Variants in COX5A observed in about 807,000 individuals in gnomAD.
The protein encoded by COX5A is cytochrome c oxidase subunit 5A.
Under a neutral mutation model 16.1 loss-of-function variants are expected in COX5A, and 6 were observed. The ratio of observed to expected loss-of-function variants is 0.37; its 90% CI spans 0.20 to 0.73. COX5A has a LOEUF of 0.73. COX5A is among the 30% of genes least tolerant of loss of function. COX5A has a pLI of 0.50. For synonymous variants in COX5A, 73 were observed against 73.8 expected, an observed-to-expected ratio of 0.99 and a Z score of 0.06; for missense variants, 159 against 194.9, an observed-to-expected ratio of 0.82 and a Z score of 1.10.
chr15:74,935,652 CATG>C (rs1182477850), intron 1 of COX5A, among the ~76,000 whole-genome samples: 1 of 151,090 alleles, frequency 6.6e-6, no homozygotes, highest in African/African-American at 2.4e-5. Flanking sequence ...TTTGAGATGG[CATG>C]ATTTCGGCTC....
At chr15:74,930,459 C>G (rs199929044) in intron 1 of COX5A, among the ~76,000 whole-genome samples, 1 of 102,828 alleles carries the variant, frequency 9.7e-6, no homozygotes, top group Non-Finnish European at 2.0e-5. Context: ...ACAAAAAAAA[C>G]CAAAAAAGCA....
chr15:74,923,936 T>G (rs1379891947), intron 3 of COX5A, among the ~76,000 whole-genome samples, 166 bp from the exon 4 acceptor site: 1 of 152,118 alleles, frequency 6.6e-6, no homozygotes, highest in Non-Finnish European at 1.5e-5. Context: ...TCCCAGCACT[T>G]TGGGAGGCTG....
intron 2 of COX5A, among the ~76,000 whole-genome samples, chr15:74,928,552 T>C (rs1259093252): frequency 6.6e-6 from 1 of 152,052 alleles, no homozygotes; most frequent in African/African-American, 2.4e-5. Context: ...GTCCGGCTAA[T>C]TTTTTTGTAT....
At chr15:74,922,834 T>G (rs2065327517) in intron 4 of COX5A, among the ~76,000 whole-genome samples, 2 of 151,870 alleles carry the variant, frequency 1.3e-5, no homozygotes, top group African/African-American at 4.8e-5. Context: ...CCCAGCTAAT[T>G]TTTGTATTTT....
chr15:74,920,211 C>A lies in COX5A; in HGVS notation c.*241G>T. ...TCAGCATGTAAGAGGGCAGCAAAAC[C>A]ATGAAACCAATACAGCACTTAATTT... On this transcript the variant is annotated 3_prime_UTR_variant, in exon 5 of 5. Coordinates refer to ENST00000322347, the MANE Select transcript of COX5A (RefSeq NM_004255.4). 1 of 549,462 alleles carries A rather than the reference C, an allele frequency of 1.8e-6. No individual in the cohort carries two copies. The highest frequency in any genetic ancestry group is 3.1e-6 in the Non-Finnish European group (1 of 319,478). 34.0% of individuals were successfully genotyped at this position (549,462 alleles called of 1,614,324 possible).
At chr15:74,936,622 C>CTTTTTTTTTTTTTTTTTTTTTTTTTTTTT (rs1021836626) in intron 1 of COX5A, among the ~76,000 whole-genome samples, 1 of 112,426 alleles carries the variant, frequency 8.9e-6, no homozygotes, top group African/African-American at 3.6e-5. Flanking sequence ...AAAACATATT[C>CTTTTTTTTTTTTTTTTTTTTTTTTTTTTT]TTTTTTTTTT....
chr15:74,929,319 A>G (rs1309779872), intron 1 of COX5A, 87 bp from the exon 2 acceptor site: 10 of 888,402 alleles, frequency 1.1e-5, no homozygotes, highest in East Asian at 4.9e-5. Context: ...AGTTGACTAT[A>G]TATGTTGTGG....
At position 74,920,539 on chromosome 15, in the gene COX5A, T is replaced by A. The variant is rs139441705; in HGVS notation, c.*10-97A>T. ...TTAGTGCTACAACCAGGGAAATCAC[T>A]GTCTCTCTGTACCCTTTACTGCTCT... On this transcript the variant is annotated intron_variant, in intron 4 of 4. Transcript: ENST00000322347. The A allele has an allele frequency of 5.0e-3, 3,251 of 655,090 alleles. 9 individuals carry two copies. Among genetic ancestry groups the A allele is most frequent in the Non-Finnish European group, 7.2e-3 (2,692 of 371,998 alleles). The allele number at this position is 655,090 out of a possible 1,614,324, so 40.6% of individuals were successfully genotyped here.
intron 1 of COX5A, among the ~76,000 whole-genome samples, chr15:74,932,028 T>G (rs2065369785): frequency 6.6e-6 from 1 of 152,214 alleles, no homozygotes. Flanking sequence ...TCGCTCTCTC[T>G]GTTTGACCCT....
intron 1 of COX5A, among the ~76,000 whole-genome samples, chr15:74,936,723 T>A (rs1712231706): frequency 6.8e-6 from 1 of 146,478 alleles, no homozygotes; most frequent in Non-Finnish European, 1.5e-5. Context: ...GCCTCTCAGG[T>A]TCAAGCGATT....
intron 1 of COX5A, chr15:74,937,690 G>T: frequency 2.8e-6 from 1 of 351,710 alleles, no homozygotes; most frequent in Non-Finnish European, 5.1e-6. Flanking sequence ...CATCTGACCT[G>T]TCCGCGGTGG....
At chr15:74,925,099 G>C (rs1392736928) in intron 3 of COX5A, among the ~76,000 whole-genome samples, 1 of 152,096 alleles carries the variant, frequency 6.6e-6, no homozygotes, top group Admixed American at 6.6e-5. Flanking sequence ...GAGGCGGGCG[G>C]ATCAACTGAG....
intron 4 of COX5A, 95 bp from the exon 5 acceptor site, chr15:74,920,537 A>C: frequency 1.5e-6 from 1 of 655,280 alleles, no homozygotes; most frequent in Admixed American, 2.7e-5. Context: ...CAGGGAAATC[A>C]CTGTCTCTCT....
At chr15:74,920,490 G>A in intron 4 of COX5A, 48 bp from the exon 5 acceptor site, 2 of 675,250 alleles carry the variant, frequency 3.0e-6, no homozygotes, top group South Asian at 1.6e-5. Flanking sequence ...TAAAGAAAAA[G>A]TAGAAATCTT....
At chr15:74,926,938 A>G in intron 2 of COX5A, 51 bp from the exon 3 acceptor site, 1 of 1,577,656 alleles carries the variant, frequency 6.3e-7, no homozygotes. Context: ...CCTCACTTAA[A>G]CTATGAGTTA....
intron 1 of COX5A, 194 bp downstream of exon 1, chr15:74,937,721 G>T: frequency 2.6e-6 from 1 of 379,416 alleles, no homozygotes; most frequent in Non-Finnish European, 4.7e-6. Flanking sequence ...AAGTTGCGCG[G>T]GGGGAGGCCC....
intron 1 of COX5A, among the ~76,000 whole-genome samples, chr15:74,935,095 A>G (rs2065383136): frequency 6.6e-6 from 1 of 152,162 alleles, no homozygotes; most frequent in Non-Finnish European, 1.5e-5. Flanking sequence ...CCAAAGAATG[A>G]ACACTTTGGT....
At chr15:74,921,422 A>G (rs1381543667) in intron 4 of COX5A, among the ~76,000 whole-genome samples, 2 of 150,006 alleles carry the variant, frequency 1.3e-5, no homozygotes, top group African/African-American at 4.9e-5. Flanking sequence ...AAAAAAAAAA[A>G]AAAAGAAAAA....
chr15:74,920,337 C>T lies in COX5A; in HGVS notation c.*115G>A, dbSNP rs1293561275. On this transcript the variant is annotated 3_prime_UTR_variant, in exon 5 of 5. Coordinates refer to ENST00000322347, the MANE Select transcript of COX5A (RefSeq NM_004255.4). Reference sequence around the variant, plus strand: ...AGTTACCATTACATGGCTTGGTACTCAATAAAGGAAAACTTGTTCAAATAA... The same window carrying T: ...AGTTACCATTACATGGCTTGGTACTTAATAAAGGAAAACTTGTTCAAATAA... The T allele has an allele frequency of 2.9e-6, 2 of 684,086 alleles. No homozygotes were observed. The highest frequency in any genetic ancestry group is 2.6e-6 in the Non-Finnish European group (1 of 379,628). 42.4% of individuals were successfully genotyped at this position (684,086 alleles called of 1,614,324 possible).
Sources: allele counts gnomAD v4.1 joint callset (sites outside exome capture counted in the v4.1 genomes callset), GRCh38; gene constraint gnomAD v4.1.1; transcripts MANE v1.5; gene names NCBI Gene and HGNC (gene_info 2026-07-23, HGNC 2026-07-21).